Variants in PRKCI observed in about 807,000 individuals in gnomAD.
The protein encoded by PRKCI is protein kinase C iota, also known as protein kinase C iota type.
PRKCI carries 43 observed loss-of-function variants against 84.0 expected under a neutral mutation model. The observed-to-expected ratio is 0.51, with a 90% CI of 0.40 to 0.66. PRKCI has a LOEUF of 0.66. PRKCI is among the 30% of genes least tolerant of loss of function. PRKCI has a pLI of 0.00. For synonymous variants in PRKCI, 216 were observed against 234.4 expected, an observed-to-expected ratio of 0.92 and a Z score of 0.72; for missense variants, 459 against 745.6, an observed-to-expected ratio of 0.62 and a Z score of 4.48.
At chr3:170,282,505 T>C (rs1258334221) in intron 11 of PRKCI, among the ~76,000 whole-genome samples, 1 of 151,676 alleles carries the variant, frequency 6.6e-6, no homozygotes, top group East Asian at 1.9e-4. Flanking sequence ...GAGACCAGCC[T>C]GGCCAACATG....
intron 2 of PRKCI, among the ~76,000 whole-genome samples, chr3:170,253,849 C>T (rs1733513506): frequency 1.3e-5 from 2 of 151,488 alleles, no homozygotes; most frequent in Admixed American, 1.3e-4. Context: ...GTAATCCCAC[C>T]ACTTTGGGAG....
chr3:170,240,664 C>A (rs1227622128), intron 2 of PRKCI, among the ~76,000 whole-genome samples: 3 of 152,088 alleles, frequency 2.0e-5, no homozygotes, highest in Non-Finnish European at 4.4e-5. Context: ...TCGGTCTGAT[C>A]TGGAGAAAAA....
chr3:170,252,759 T>C (rs1345107339), intron 2 of PRKCI, among the ~76,000 whole-genome samples: 1 of 152,072 alleles, frequency 6.6e-6, no homozygotes, highest in Non-Finnish European at 1.5e-5. Flanking sequence ...CCTGGCTGTT[T>C]TTTAAAATTT....
At chr3:170,229,611 A>C (rs907866742) in intron 1 of PRKCI, among the ~76,000 whole-genome samples, 9 of 152,168 alleles carry the variant, frequency 5.9e-5, no homozygotes, top group Non-Finnish European at 1.2e-4. Context: ...TAATATGTTT[A>C]ATCTTTTTTC....
At chr3:170,263,243 C>A in intron 3 of PRKCI, 136 bp from the exon 4 acceptor site, 1 of 619,538 alleles carries the variant, frequency 1.6e-6, no homozygotes, top group Non-Finnish European at 2.9e-6. Context: ...TGATCACATG[C>A]TAAGTATCTT....
intron 1 of PRKCI, among the ~76,000 whole-genome samples, chr3:170,228,544 C>T (rs890442639): frequency 6.6e-6 from 1 of 151,846 alleles, no homozygotes; most frequent in Non-Finnish European, 1.5e-5. Context: ...CACTGCACTC[C>T]AGCCTGGGCA....
chr3:170,291,660 G>A, intron 12 of PRKCI, 194 bp from the exon 13 acceptor site: 1 of 486,708 alleles, frequency 2.1e-6, no homozygotes, highest in South Asian at 2.3e-5. Flanking sequence ...TCGTGCCACT[G>A]CATGCCAGCC....
intron 3 of PRKCI, among the ~76,000 whole-genome samples, 174 bp downstream of exon 3, chr3:170,260,232 A>C (rs533897308): frequency 1.3e-5 from 2 of 152,344 alleles, no homozygotes; most frequent in East Asian, 3.9e-4. Flanking sequence ...GGTAAAATTA[A>C]TCTGCTGCTT....
At chr3:170,295,210 C>T (rs1292723512) in intron 14 of PRKCI, among the ~76,000 whole-genome samples, 1 of 135,930 alleles carries the variant, frequency 7.4e-6, no homozygotes, top group Non-Finnish European at 1.6e-5. Flanking sequence ...CACTCTGTCT[C>T]AAAAAAAAAA....
intron 1 of PRKCI, among the ~76,000 whole-genome samples, chr3:170,230,495 T>A (rs74913803): frequency 3.3e-3 from 474 of 142,428 alleles, no homozygotes; most frequent in South Asian, 9.2e-3. Flanking sequence ...CATGTCCGGC[T>A]AATTTTTTAT....
chr3:170,269,546 C>G (rs1733949506), intron 5 of PRKCI, among the ~76,000 whole-genome samples: 3 of 152,216 alleles, frequency 2.0e-5, no homozygotes, highest in South Asian at 2.1e-4. Flanking sequence ...ACCTGTAGTC[C>G]TAGCTACTCA....
intron 3 of PRKCI, among the ~76,000 whole-genome samples, chr3:170,261,449 GTTT>G (rs141662590): frequency 0.017 from 2,231 of 130,736 alleles, 38 homozygotes; most frequent in East Asian, 0.086. Flanking sequence ...CCTTTACAGT[GTTT>G]TTTTTTTAAA....
intron 2 of PRKCI, among the ~76,000 whole-genome samples, chr3:170,248,378 GGGA>G (rs889238901): frequency 3.1e-5 from 4 of 130,506 alleles, no homozygotes; most frequent in African/African-American, 1.1e-4. Flanking sequence ...TATTGGGGGG[GGGA>G]AAAAACCTGC....
chr3:170,274,192 C>T (rs771966322), intron 7 of PRKCI, among the ~76,000 whole-genome samples: 1 of 152,056 alleles, frequency 6.6e-6, no homozygotes, highest in Non-Finnish European at 1.5e-5. Context: ...AATGCAGTGG[C>T]GTGATCTCGG....
intron 6 of PRKCI, among the ~76,000 whole-genome samples, chr3:170,272,680 A>C (rs1309316092): frequency 6.6e-6 from 1 of 152,186 alleles, no homozygotes; most frequent in Non-Finnish European, 1.5e-5. Flanking sequence ...TTCTTTCTCA[A>C]GTTTACTTTT....
chr3:170,297,535 A>G (rs1452758981), intron 16 of PRKCI, 142 bp downstream of exon 16: 2 of 649,412 alleles, frequency 3.1e-6, no homozygotes, highest in African/African-American at 3.6e-5. Context: ...GCTCACTGCA[A>G]CCTCCGCCTC....
At position 170,222,731 on chromosome 3, in the gene PRKCI, A is replaced by G; in HGVS notation, c.62A>G (p.Asp21Gly). Residue 21 changes from aspartate to glycine, a missense_variant, in exon 1 of 18, where the codon GAC becomes GGC. Asp to Gly is a moderately conservative substitution (Grantham distance 94, BLOSUM62 -1). Coordinates refer to ENST00000295797, the MANE Select transcript of PRKCI (RefSeq NM_002740.6). Reference sequence around the variant, plus strand: ...ACGGTCGCAGGCGGCGGCAGCGGGGACCATTCCCACCAGGTCCGGGTGAAA... The same window carrying G: ...ACGGTCGCAGGCGGCGGCAGCGGGGGCCATTCCCACCAGGTCCGGGTGAAA... Reference protein sequence around the residue: ...SHTVAGGGSGDHSHQVRVKAY... With the variant: ...SHTVAGGGSGGHSHQVRVKAY... 6.2e-7 allele frequency: 1 copy of G among 1,610,104 alleles called. No individual in the cohort carries two copies. Among genetic ancestry groups the G allele is most frequent in the Non-Finnish European group, 8.5e-7 (1 of 1,178,978 alleles).
Position 170,247,927 on chromosome 3 carries a change from A to C in PRKCI, c.224-12042A>C, listed in dbSNP as rs754037514. ...ATGGCATCCTTGGAAAATTTTTGCA[A>C]ATCTGTATTTTAAGCAGTGTAACCC... On this transcript the variant is annotated intron_variant, in intron 2 of 17. Transcript: ENST00000295797. Among the ~76,000 whole-genome samples, 58 of 152,076 alleles carry C rather than the reference A, an allele frequency of 3.8e-4. 1 individual carries two copies. The highest frequency in any genetic ancestry group is 1.4e-3 in the African/African-American group (57 of 41,408).
rs56257047 is a variant in PRKCI at position 170,270,498 on chromosome 3, C to T, written c.528C>T (p.Leu176=). The change falls in exon 6 of 18, where the codon CTC becomes CTT. Residue 176 remains leucine, a synonymous_variant. Coordinates refer to ENST00000295797, the MANE Select transcript of PRKCI (RefSeq NM_002740.6). ...RQGYKCINCK[L]LVHKKCHKLV... is the part of the protein sequence containing the mutation. ...GATATAAGTGCATCAACTGCAAACT[C>T]TTGGTTCATAAGAAGTGCCATAAAC... 229,389 of 1,611,408 alleles carry T rather than the reference C, an allele frequency of 0.14. 17,713 individuals carry two copies. Among genetic ancestry groups the T allele is most frequent in the Middle Eastern group, 0.2 (1,216 of 6,044 alleles).
Sources: gnomAD v4.1 joint callset for allele counts (sites outside exome capture counted in the v4.1 genomes callset) on GRCh38, gnomAD v4.1.1 for gene constraint, MANE v1.5 for transcripts, NCBI Gene and HGNC (gene_info 2026-07-23, HGNC 2026-07-21) for gene names.